The following UBR3 variants were observed in gnomAD, a reference collection of about 807,000 sequenced individuals.
The protein encoded by UBR3 is E3 ubiquitin-protein ligase UBR3.
In UBR3, 85 loss-of-function variants were observed where a neutral mutation model predicts 243.2. The observed-to-expected ratio is 0.35, with a 90% CI of 0.29 to 0.42. The LOEUF is 0.42. Ranked by LOEUF, UBR3 falls within the 10% of genes least tolerant of loss-of-function variation. The pLI is 1.00. For missense variants in UBR3, 1,686 were observed against 2,300.8 expected (o/e 0.73, Z 5.47); for synonymous variants, 748 against 799.8 (o/e 0.94, Z 1.09).
chr2:169,909,071 C>T lies in UBR3; in HGVS notation c.1779+2907C>T, dbSNP rs542685335. ...ATCTCCTGACCTCGTGATCCGCCTG[C>T]CTCGGCCTCCCAAAGTGCTGGGATT... On this transcript the variant is annotated intron_variant, in intron 10 of 38. Coordinates refer to ENST00000272793, the MANE Select transcript of UBR3 (RefSeq NM_172070.4). Among the ~76,000 whole-genome samples, 299 of 152,214 alleles carry T rather than the reference C, an allele frequency of 2.0e-3. 2 individuals carry two copies. Among genetic ancestry groups the T allele is most frequent in the African/African-American group, 6.9e-3 (287 of 41,534 alleles).
chr2:169,912,369 A>T (rs1218272719), intron 10 of UBR3, among the ~76,000 whole-genome samples: 1 of 151,890 alleles, frequency 6.6e-6, no homozygotes, highest in South Asian at 2.1e-4. Flanking sequence ...CCCAATTCCA[A>T]CCTCCCCTCA....
At chr2:170,004,982 G>GCA (rs2089858487) in intron 27 of UBR3, among the ~76,000 whole-genome samples, 2 of 152,180 alleles carry the variant, frequency 1.3e-5, no homozygotes, top group Non-Finnish European at 2.9e-5. Context: ...CCAGCACTTT[G>GCA]GGAGGCCGAG....
chr2:169,895,807 G>T (rs1331810924), intron 7 of UBR3, among the ~76,000 whole-genome samples: 1 of 152,064 alleles, frequency 6.6e-6, no homozygotes, highest in Non-Finnish European at 1.5e-5. Flanking sequence ...AGTCCCAGGG[G>T]GTCAGAACCC....
At chr2:169,835,439 TTTTG>T (rs933626199) in intron 1 of UBR3, among the ~76,000 whole-genome samples, 10 of 152,116 alleles carry the variant, frequency 6.6e-5, no homozygotes, top group South Asian at 2.1e-4. Context: ...AATATTCATA[TTTTG>T]TTTGTTTGTT....
intron 19 of UBR3, among the ~76,000 whole-genome samples, chr2:169,935,650 A>G (rs1490224715): frequency 6.6e-6 from 1 of 152,192 alleles, no homozygotes; most frequent in Non-Finnish European, 1.5e-5. Context: ...CTGCTGCCCC[A>G]TGTTTGAAAG....
chr2:170,001,625 G>C (rs2089699860), intron 27 of UBR3, among the ~76,000 whole-genome samples: 1 of 152,124 alleles, frequency 6.6e-6, no homozygotes, highest in African/African-American at 2.4e-5. Flanking sequence ...GCCAGACGCA[G>C]TGGTTCATGC....
intron 24 of UBR3, among the ~76,000 whole-genome samples, chr2:169,962,384 C>T (rs114023099): frequency 1.3e-5 from 2 of 152,016 alleles, no homozygotes; most frequent in African/African-American, 2.4e-5. Flanking sequence ...CCAGTTAAGC[C>T]TTTAAATGAC....
chr2:170,001,375 A>G lies in UBR3; in HGVS notation c.3990A>G (p.Leu1330=). The G allele has an allele frequency of 6.2e-7, 1 of 1,613,856 alleles. No homozygotes were observed. Among genetic ancestry groups the G allele is most frequent in the Non-Finnish European group, 8.5e-7 (1 of 1,179,856 alleles). ...ATGTACAAACCTGTGGTCACACATT[A>G]CATATAGATTGTCATAAATCTTACA... ...GVYVQTCGHT[L]HIDCHKSYME... Residue 1330 remains leucine (L), a synonymous_variant, in exon 27 of 39, where the codon TTA becomes TTG. Coordinates refer to ENST00000272793, the MANE Select transcript of UBR3 (RefSeq NM_172070.4).
In UBR3 at chr2:169,987,719, G is replaced by A. The variant is rs2089085960; in HGVS notation, c.3784+925G>A. Among the ~76,000 whole-genome samples, 4 of 152,088 alleles carry A rather than the reference G, an allele frequency of 2.6e-5. No individual in the cohort carries two copies. In the South Asian group the frequency reaches 8.3e-4, roughly 32 times the overall value. On this transcript the variant is annotated intron_variant, in intron 25 of 38. Coordinates refer to ENST00000272793, the MANE Select transcript of UBR3 (RefSeq NM_172070.4). ...AATAAATTTAATCCTTTTCCAACAA[G>A]AGTATGTGTAAAATAAAGAGAAAAA...
intron 32 of UBR3, among the ~76,000 whole-genome samples, chr2:170,048,732 A>G (rs1219065950): frequency 6.6e-6 from 1 of 152,206 alleles, no homozygotes; most frequent in African/African-American, 2.4e-5. Flanking sequence ...TTAAGTGAAA[A>G]GGTGAAAATT....
At chr2:169,860,858 T>C (rs1388161821) in intron 1 of UBR3, among the ~76,000 whole-genome samples, 3 of 152,136 alleles carry the variant, frequency 2.0e-5, no homozygotes, top group African/African-American at 7.2e-5. Flanking sequence ...AAGCCAGTGG[T>C]GGATCAGCCC....
chr2:169,905,989 C>T (rs192234062), intron 9 of UBR3, 42 bp from the exon 10 acceptor site: 3 of 1,538,066 alleles, frequency 2.0e-6, no homozygotes, highest in East Asian at 2.5e-5. Flanking sequence ...TGAATGTGTG[C>T]TTCCACTTGA....
rs549268358 is a variant in UBR3 at position 169,925,032 on chromosome 2, C to A, written c.2023-587C>A. Among the ~76,000 whole-genome samples the A allele has an allele frequency of 3.4e-3, 517 of 150,576 alleles. 5 individuals carry two copies. Among genetic ancestry groups the A allele is most frequent in the Non-Finnish European group, 5.2e-3 (355 of 67,620 alleles). On this transcript the variant is annotated intron_variant, in intron 13 of 38. Coordinates refer to ENST00000272793, the MANE Select transcript of UBR3 (RefSeq NM_172070.4). ...CTGGCGACAGAGTGAGATTCTGTTTCAAAAAAAACAAAAAAAATGATGACT... is the reference window on the plus strand; with the variant it reads ...CTGGCGACAGAGTGAGATTCTGTTTAAAAAAAAACAAAAAAAATGATGACT...
chr2:169,924,053 GA>G (rs1334952415), intron 12 of UBR3, 30 bp from the exon 13 acceptor site: 1 of 1,525,054 alleles, frequency 6.6e-7, no homozygotes. Flanking sequence ...AATAAGAATT[GA>G]ATTAGTAACT....
intron 33 of UBR3, among the ~76,000 whole-genome samples, 199 bp from the exon 34 acceptor site, chr2:170,060,880 T>C (rs2091443198): frequency 6.6e-6 from 1 of 152,178 alleles, no homozygotes; most frequent in Admixed American, 6.5e-5. Flanking sequence ...TAAAGAAGTG[T>C]TGGAATAGCT....
At position 169,862,524 on chromosome 2, in the gene UBR3, A is replaced by C. The variant is rs184985854; in HGVS notation, c.546-9712A>C. Among the ~76,000 whole-genome samples the C allele has an allele frequency of 3.3e-4, 51 of 152,326 alleles. No individual in the cohort carries two copies. In the East Asian group the frequency reaches 9.4e-3, roughly 28 times the overall value. ...GTTAGCTTCCCAAAGGCTGGAATCA[A>C]TACTTCTGATGATTTCAACTTTAAA... On this transcript the variant is annotated intron_variant, in intron 1 of 38. Transcript: ENST00000272793.
intron 8 of UBR3, among the ~76,000 whole-genome samples, chr2:169,902,769 C>A (rs971118876): frequency 6.6e-6 from 1 of 152,134 alleles, no homozygotes; most frequent in African/African-American, 2.4e-5. Context: ...GCCACCACGC[C>A]CAGCTAACTT....
chr2:169,973,734 G>T (rs2088286222), intron 24 of UBR3, among the ~76,000 whole-genome samples: 1 of 152,166 alleles, frequency 6.6e-6, no homozygotes. Flanking sequence ...TCAGTTCTGT[G>T]TTGGAAAAGA....
chr2:169,899,658 C>A (rs6717009), intron 8 of UBR3, among the ~76,000 whole-genome samples: 13 of 152,018 alleles, frequency 8.6e-5, no homozygotes, highest in African/African-American at 3.1e-4. Context: ...TTCCTCCCCC[C>A]GCCCCTTGCC....
Sources: gnomAD v4.1 joint callset for allele counts (sites outside exome capture counted in the v4.1 genomes callset) on GRCh38, gnomAD v4.1.1 for gene constraint, MANE v1.5 for transcripts, NCBI Gene and HGNC (gene_info 2026-07-23, HGNC 2026-07-21) for gene names.